Variants in ROBO2 observed in about 807,000 individuals in gnomAD.
ROBO2 encodes the protein roundabout homolog 2.
In ROBO2, 53 loss-of-function variants were observed where a neutral mutation model predicts 160.8. That is an observed-to-expected ratio of 0.33 (90% CI 0.26 to 0.41). The LOEUF (loss-of-function observed/expected upper bound fraction) is 0.41, where lower values mean the gene tolerates loss of function less well. ROBO2 is among the 10% of genes least tolerant of loss of function. The pLI is 1.00. For missense variants in ROBO2, 1,577 were observed against 1,722.4 expected, an observed-to-expected ratio of 0.92 and a Z score of 1.49; for synonymous variants, 664 against 611.7, an observed-to-expected ratio of 1.09 and a Z score of -1.26.
At chr3:76,578,745 C>T (rs889976836) in intron 2 of ROBO2, among the ~76,000 whole-genome samples, 7 of 152,082 alleles carry the variant, frequency 4.6e-5, no homozygotes, top group Non-Finnish European at 8.8e-5. Context: ...GATGACATTG[C>T]TGTTTTCTCT....
chr3:76,304,945 A>G (rs2071264105), intron 2 of ROBO2, among the ~76,000 whole-genome samples: 1 of 151,702 alleles, frequency 6.6e-6, no homozygotes, highest in Non-Finnish European at 1.5e-5. Context: ...GTCTGATGTA[A>G]GGTGTTCAGG....
At chr3:76,453,229 T>G (rs2077567728) in intron 2 of ROBO2, among the ~76,000 whole-genome samples, 1 of 152,218 alleles carries the variant, frequency 6.6e-6, no homozygotes, top group Non-Finnish European at 1.5e-5. Context: ...CTTTTGGTGT[T>G]TTAGACATGA....
intron 2 of ROBO2, among the ~76,000 whole-genome samples, chr3:77,462,165 G>A (rs1277708723): frequency 1.3e-5 from 2 of 152,048 alleles, no homozygotes; most frequent in Admixed American, 6.6e-5. Flanking sequence ...ACTGTAAGCC[G>A]CTCTCAACTA....
In ROBO2 at chr3:76,123,306, T is replaced by C. The variant is rs901799506; in HGVS notation, c.109+185704T>C. ...CTCCTTTGAAAACAGTCATTTTACA[T>C]ATCCTATCGAAATGTTTTTATTAGT... On this transcript the variant is annotated intron_variant, in intron 2 of 26. Transcript: ENST00000487694. Among the ~76,000 whole-genome samples, 16 of 152,286 alleles carry C rather than the reference T, an allele frequency of 1.1e-4. No homozygotes were observed. In the East Asian group the frequency reaches 3.1e-3, roughly 29 times the overall value.
At chr3:77,556,406 GT>G (rs2093122540) in intron 8 of ROBO2, among the ~76,000 whole-genome samples, 1 of 151,688 alleles carries the variant, frequency 6.6e-6, no homozygotes. Flanking sequence ...TTTTTCTTAG[GT>G]TTTATCACTG....
chr3:77,619,662 C>T (rs191670285), intron 22 of ROBO2, among the ~76,000 whole-genome samples: 1 of 152,140 alleles, frequency 6.6e-6, no homozygotes, highest in East Asian at 1.9e-4. Context: ...ACCTCAATTT[C>T]CAGCCCCTCC....
intron 1 of ROBO2, among the ~76,000 whole-genome samples, chr3:77,070,419 CGT>C (rs994785952): frequency 6.6e-6 from 1 of 151,522 alleles, no homozygotes; most frequent in Non-Finnish European, 1.5e-5. Flanking sequence ...TGTGTGTGTG[CGT>C]GTGTGTGTCT....
At chr3:75,927,826 T>C (rs1448909905) in intron 1 of ROBO2, among the ~76,000 whole-genome samples, 1 of 152,210 alleles carries the variant, frequency 6.6e-6, no homozygotes, top group African/African-American at 2.4e-5. Flanking sequence ...TTTCTACTTA[T>C]AGTTTCTCCT....
At chr3:77,075,282 C>T (rs193037996) in intron 1 of ROBO2, among the ~76,000 whole-genome samples, 5 of 152,218 alleles carry the variant, frequency 3.3e-5, no homozygotes, top group Admixed American at 1.3e-4. Context: ...GTGTGGAGTG[C>T]TGTACAGACA....
At chr3:76,361,795 A>T (rs572405603) in intron 2 of ROBO2, among the ~76,000 whole-genome samples, 2 of 152,224 alleles carry the variant, frequency 1.3e-5, no homozygotes, top group South Asian at 4.1e-4. Context: ...TGCTAATATT[A>T]TACAGGAAAT....
At chr3:77,132,659 C>T (rs1305605260) in intron 2 of ROBO2, among the ~76,000 whole-genome samples, 1 of 151,318 alleles carries the variant, frequency 6.6e-6, no homozygotes, top group African/African-American at 2.4e-5. Flanking sequence ...TAGAAGTTTC[C>T]ATTCACTAAA....
intron 2 of ROBO2, among the ~76,000 whole-genome samples, chr3:76,127,570 G>C (rs150986638): frequency 1.2e-3 from 176 of 148,382 alleles, no homozygotes; most frequent in Admixed American, 3.5e-3. Context: ...CCAAATAGCT[G>C]TGTGCTTTCT....
At chr3:76,711,439 C>A (rs1335661593) in intron 2 of ROBO2, among the ~76,000 whole-genome samples, 1 of 152,130 alleles carries the variant, frequency 6.6e-6, no homozygotes, top group Admixed American at 6.5e-5. Context: ...AGAGCCAAAC[C>A]GTACCAACTA....
intron 2 of ROBO2, among the ~76,000 whole-genome samples, chr3:76,143,922 G>A (rs974472753): frequency 6.6e-6 from 1 of 151,918 alleles, no homozygotes; most frequent in African/African-American, 2.4e-5. Context: ...TCTCAGCTCA[G>A]AGTCAATCAG....
At chr3:76,215,591 G>A (rs4856019) in intron 2 of ROBO2, among the ~76,000 whole-genome samples, 82,449 of 151,878 alleles carry the variant, frequency 0.54, 22,563 homozygotes, top group African/African-American at 0.57. Context: ...GAAATGAAGC[G>A]TGAAGAGAAG....
In ROBO2 at chr3:77,086,284, G is replaced by T. The variant is rs184354452; in HGVS notation, c.62-11730G>T. On this transcript the variant is annotated intron_variant, in intron 1 of 25. Transcript: ENST00000461745. Reference sequence around the variant, plus strand: ...AGTAGGGAACATTTATTGAGTGCTTGCTGTGTACTCAGCACATGGAAAAAT... The same window carrying T: ...AGTAGGGAACATTTATTGAGTGCTTTCTGTGTACTCAGCACATGGAAAAAT... Among the ~76,000 whole-genome samples, 11 of 152,146 alleles carry T rather than the reference G, an allele frequency of 7.2e-5. No homozygotes were observed. The East Asian group carries it at 2.1e-3, about 29-fold the overall frequency.
chr3:76,994,126 G>A (rs2060854332), intron 2 of ROBO2, among the ~76,000 whole-genome samples: 1 of 151,612 alleles, frequency 6.6e-6, no homozygotes, highest in Non-Finnish European at 1.5e-5. Flanking sequence ...TGGTAAATGA[G>A]TGCACAAGGC....
At chr3:76,543,258 C>T (rs1170221956) in intron 2 of ROBO2, among the ~76,000 whole-genome samples, 1 of 152,032 alleles carries the variant, frequency 6.6e-6, no homozygotes, top group Non-Finnish European at 1.5e-5. Context: ...GAAGTGTTAA[C>T]CCACAATGTG....
intron 2 of ROBO2, among the ~76,000 whole-genome samples, chr3:76,183,109 A>G (rs546117305): frequency 6.6e-6 from 1 of 152,056 alleles, no homozygotes; most frequent in Admixed American, 6.6e-5. Context: ...TCATTCACAT[A>G]TCTGGTGCTT....
Sources: gnomAD v4.1 joint callset for allele counts (sites outside exome capture counted in the v4.1 genomes callset) on GRCh38, gnomAD v4.1.1 for gene constraint, MANE v1.5 for transcripts, NCBI Gene and HGNC (gene_info 2026-07-23, HGNC 2026-07-21) for gene names.